UBR4: variants seen among roughly 807,000 people sequenced by gnomAD.
The protein encoded by UBR4 is ubiquitin protein ligase E3 component n-recognin 4.
UBR4 carries 124 observed loss-of-function variants against 575.6 expected under a neutral mutation model. The ratio of observed to expected loss-of-function variants is 0.22; its 90% confidence interval spans 0.19 to 0.25. The LOEUF (loss-of-function observed/expected upper bound fraction) is 0.25, where lower values mean the gene tolerates loss of function less well. Among genes scored for constraint, UBR4 ranks in the 10% least tolerant of loss-of-function variants. The pLI is 1.00. For missense variants in UBR4, 4,818 were observed against 6,478.8 expected, an observed-to-expected ratio of 0.74 and a Z score of 8.80; for synonymous variants, 2,455 against 2,473.7, an observed-to-expected ratio of 0.99 and a Z score of 0.22.
chr1:19,143,911 G>T, intron 55 of UBR4, 69 bp downstream of exon 55: 2 of 1,436,076 alleles, frequency 1.4e-6, no homozygotes, highest in Non-Finnish European at 9.8e-7. Context: ...CATGCCCAAT[G>T]CTACTGTACC....
intron 19 of UBR4, 90 bp from the exon 20 acceptor site, chr1:19,176,817 T>A: frequency 7.1e-7 from 1 of 1,407,958 alleles, no homozygotes; most frequent in Non-Finnish European, 9.6e-7. Context: ...GTACACTGAA[T>A]CTTGGTAATC....
intron 94 of UBR4, 117 bp from the exon 95 acceptor site, chr1:19,094,256 G>T: frequency 5.8e-6 from 4 of 689,382 alleles, no homozygotes; most frequent in Non-Finnish European, 9.6e-6. Flanking sequence ...ACCCCTAGAA[G>T]AACTATGTCT....
At position 19,192,385 on chromosome 1, in the gene UBR4, T is replaced by C; in HGVS notation, c.1204-7A>G. The C allele has an allele frequency of 6.2e-7, 1 of 1,614,060 alleles. No individual in the cohort carries two copies. The highest frequency in any genetic ancestry group is 8.5e-7 in the Non-Finnish European group (1 of 1,179,978). ...ATTGGAAATTCTGATAGTGCTGTTG[T>C]GAAAGGCACAAAATAAAAAACATAA... On this transcript the variant is annotated splice_region_variant and splice_polypyrimidine_tract_variant and intron_variant, in intron 10 of 105. Coordinates refer to ENST00000375254, the MANE Select transcript of UBR4 (RefSeq NM_020765.3).
Position 19,084,492 on chromosome 1 carries a change from C to T in UBR4, c.15008+12G>A, listed in dbSNP as rs545699910. 1 of 1,584,838 alleles carries T rather than the reference C, an allele frequency of 6.3e-7. No individual in the cohort carries two copies. The highest frequency in any genetic ancestry group is 1.3e-5 in the African/African-American group (1 of 74,504). ...TCTGCGAGATGCCGCCCCTGGGACA[C>T]AGGGTACTGACGTGTTCAGGACGTA... On this transcript the variant is annotated intron_variant, in intron 102 of 105. Transcript: ENST00000375254.
rs1029716001 is a variant in UBR4, at chr1:19,096,650, T to C, written c.13391A>G (p.Asp4464Gly). Residue 4464 changes from aspartate to glycine, a missense_variant and splice_region_variant, in exon 92 of 106, where the codon GAT becomes GGT. This residue lies in a region of UBR4 where 165 missense variants were observed against 282.3 expected (regional missense o/e 0.58). Coordinates refer to ENST00000375254, the MANE Select transcript of UBR4 (RefSeq NM_020765.3). Reference protein sequence around the residue: ...EFIESLDSTTDEEEDEEEVYK... With the variant: ...EFIESLDSTTGEEEDEEEVYK... ...CACTTCTTCTTCATCTTCTTCTTCA[T>C]CTAGGGGAGAAGGGAAGCCAAGCAG... is the stretch of plus-strand genomic sequence containing the variant. The C allele has an allele frequency of 1.9e-6, 3 of 1,613,124 alleles. No individual in the cohort carries two copies. The highest frequency in any genetic ancestry group is 1.7e-6 in the Non-Finnish European group (2 of 1,179,730).
In UBR4 at chr1:19,099,683, C is replaced by G. The variant is rs561426240; in HGVS notation, c.13222-6G>C. On this transcript the variant is annotated splice_polypyrimidine_tract_variant and splice_region_variant and intron_variant, in intron 89 of 105. Coordinates refer to ENST00000375254, the MANE Select transcript of UBR4 (RefSeq NM_020765.3). ...ATTTTATTGTTCACTAGAAGCTGAA[C>G]AGAAAAGCAGGTGAAGCTGTTGTTC... 6.2e-7 allele frequency: 1 copy of G among 1,610,734 alleles called. No individual in the cohort carries two copies. Among genetic ancestry groups the G allele is most frequent in the Admixed American group, 1.7e-5 (1 of 59,284 alleles).
chr1:19,111,953 A>G (rs1183259340), intron 78 of UBR4: 1 of 151,694 alleles, frequency 6.6e-6, no homozygotes, highest in African/African-American at 2.4e-5. Flanking sequence ...ACGAGGTTTT[A>G]CCATGTTGGC....
intron 84 of UBR4, 27 bp downstream of exon 84, chr1:19,105,706 G>T: frequency 6.5e-7 from 1 of 1,527,982 alleles, no homozygotes; most frequent in Non-Finnish European, 8.8e-7. Flanking sequence ...GTCTAACCAC[G>T]CTCCTCATCC....
intron 28 of UBR4, among the ~76,000 whole-genome samples, chr1:19,167,770 C>G (rs1459527482): frequency 6.6e-6 from 1 of 152,154 alleles, no homozygotes. Context: ...CAAGACATCT[C>G]CAAATTGCAA....
intron 39 of UBR4, among the ~76,000 whole-genome samples, chr1:19,159,764 A>C (rs1382241048): frequency 1.3e-5 from 2 of 150,456 alleles, no homozygotes; most frequent in African/African-American, 5.0e-5. Flanking sequence ...TGCCAAGCTA[A>C]ATTTTTTGTG....
intron 2 of UBR4, 143 bp downstream of exon 2, chr1:19,201,575 G>T: frequency 1.7e-6 from 1 of 596,274 alleles, no homozygotes; most frequent in Non-Finnish European, 2.8e-6. Context: ...CTAGCTGACA[G>T]TTGTCTCTAC....
At chr1:19,113,543 C>T (rs1018041908) in intron 77 of UBR4, 156 bp downstream of exon 77, 8 of 1,108,758 alleles carry the variant, frequency 7.2e-6, no homozygotes, top group East Asian at 4.8e-5. Context: ...GGGGAGATGC[C>T]GTTTGGTGCA....
At chr1:19,098,616 T>C (rs2078298470) in intron 90 of UBR4, among the ~76,000 whole-genome samples, 1 of 152,204 alleles carries the variant, frequency 6.6e-6, no homozygotes, top group African/African-American at 2.4e-5. Flanking sequence ...GACAGTTCTC[T>C]GCCTGTCCCT....
At chr1:19,145,702 A>C in intron 53 of UBR4, 91 bp downstream of exon 53, 6 of 1,446,132 alleles carry the variant, frequency 4.1e-6, no homozygotes, top group Non-Finnish European at 5.6e-6. Flanking sequence ...ATTATGAAGA[A>C]TGAAAGCTAA....
At position 19,105,717 on chromosome 1, in the gene UBR4, C is replaced by T. The variant is rs1352181707; in HGVS notation, c.12503+16G>A. The T allele has an allele frequency of 6.4e-7, 1 of 1,562,550 alleles. No individual in the cohort carries two copies. Among genetic ancestry groups the T allele is most frequent in the South Asian group, 1.2e-5 (1 of 82,062 alleles). On this transcript the variant is annotated intron_variant, in intron 84 of 105. Coordinates refer to ENST00000375254, the MANE Select transcript of UBR4 (RefSeq NM_020765.3). ...GCAAGTCTAACCACGCTCCTCATCC[C>T]ACTCCCAAATGGTACCTGGTAAGCA...
rs1357919897 is a variant in UBR4, at chr1:19,086,768, C to A, written c.14598G>T (p.Glu4866Asp). Residue 4866 changes from glutamate to aspartate, a missense_variant, in exon 100 of 106, where the codon GAG becomes GAT. By Grantham distance (45) the Glu-to-Asp change is conservative. Around this residue, in one of 29 missense-constraint regions of UBR4, gnomAD observed 196 missense variants for 386.8 expected, o/e 0.51. Coordinates refer to ENST00000375254, the MANE Select transcript of UBR4 (RefSeq NM_020765.3). ...YTFTKRVALE[E>D]MENKPRKQQG... The stretch of plus-strand genomic sequence containing the variant: ...GCTGTTTCCGGGGCTTATTCTCCAT[C>A]TCCTCCAAGGCTACCCGCTTCGTGA... 6.2e-7 allele frequency: 1 copy of A among 1,614,218 alleles called. No homozygotes were observed. Among genetic ancestry groups the A allele is most frequent in the Non-Finnish European group, 8.5e-7 (1 of 1,180,030 alleles).
chr1:19,148,459 C>T (rs527355674), intron 50 of UBR4, 104 bp downstream of exon 50: 12 of 1,386,752 alleles, frequency 8.7e-6, no homozygotes, highest in Admixed American at 3.7e-5. Flanking sequence ...CAAGATTATG[C>T]TACTATAAAT....
Position 19,155,445 on chromosome 1 carries a change from A to T in UBR4, c.6296T>A (p.Leu2099Gln). 6.2e-7 allele frequency: 1 copy of T among 1,613,862 alleles called. No homozygotes were observed. Among genetic ancestry groups the T allele is most frequent in the East Asian group, 2.2e-5 (1 of 44,882 alleles). ...TNVLEINHED[L>Q]KDSNSQVAGG... ...AATAGCAACATGTGCTCTAACCTTC[A>T]GGTCCTCATGATTGATTTCCAACAC... The change falls in exon 43 of 106, where the codon CTG becomes CAG. Residue 2099 changes from leucine to glutamine, a missense_variant. Transcript: ENST00000375254.
chr1:19,140,973 A>G (rs2083850445), intron 57 of UBR4, 81 bp from the exon 58 acceptor site: 1 of 1,415,858 alleles, frequency 7.1e-7, no homozygotes, highest in Non-Finnish European at 9.6e-7. Flanking sequence ...GCTGCCCTCA[A>G]GAGTCTCCAA....
Sources: gnomAD v4.1 joint callset for allele counts (sites outside exome capture counted in the v4.1 genomes callset) on GRCh38, gnomAD v4.1.1 for gene constraint, gnomAD v4.1.1 regional missense constraint, MANE v1.5 for transcripts, NCBI Gene and HGNC (gene_info 2026-07-23, HGNC 2026-07-21) for gene names.